TTC28: variants seen among roughly 807,000 people sequenced by gnomAD.
TTC28 encodes tetratricopeptide repeat protein 28.
In TTC28, 61 loss-of-function variants were observed where a neutral mutation model predicts 198.0. The ratio of observed to expected loss-of-function variants is 0.31; its 90% CI spans 0.25 to 0.38. The LOEUF (loss-of-function observed/expected upper bound fraction) is 0.38. TTC28 is among the 10% of genes least tolerant of loss of function. TTC28 has a pLI of 1.00. For missense variants in TTC28, 2,678 were observed against 3,164.0 expected, an observed-to-expected ratio of 0.85 and a Z score of 3.69; for synonymous variants, 1,171 against 1,297.8, an observed-to-expected ratio of 0.90 and a Z score of 2.10.
At chr22:28,181,273 T>C (rs967990751) in intron 5 of TTC28, among the ~76,000 whole-genome samples, 4 of 152,204 alleles carry the variant, frequency 2.6e-5, no homozygotes, top group African/African-American at 9.6e-5. Context: ...ACAGCAATGT[T>C]TTCAAATCAA....
chr22:27,987,980 T>C (rs1197206786), intron 21 of TTC28, among the ~76,000 whole-genome samples: 1 of 152,098 alleles, frequency 6.6e-6, no homozygotes, highest in Non-Finnish European at 1.5e-5. Flanking sequence ...TGGGAGGCTG[T>C]GTGGGAGGGT....
chr22:28,499,898 A>G lies in TTC28; in HGVS notation c.381+129654T>C, dbSNP rs115250653. Among the ~76,000 whole-genome samples the G allele has an allele frequency of 6.8e-3, 1,037 of 152,306 alleles. 19 individuals carry two copies. Among genetic ancestry groups the G allele is most frequent in the African/African-American group, 0.024 (992 of 41,564 alleles). On this transcript the variant is annotated intron_variant, in intron 2 of 22. Coordinates refer to ENST00000397906, the MANE Select transcript of TTC28 (RefSeq NM_001145418.2). ...TAGTGATCAGATTGGGGTAATCAGC[A>G]TACTCATCATCTCAAACATTTATCA... is the stretch of plus-strand genomic sequence containing the variant.
intron 2 of TTC28, among the ~76,000 whole-genome samples, chr22:28,541,838 C>A (rs2049418187): frequency 6.6e-6 from 1 of 151,774 alleles, no homozygotes; most frequent in Admixed American, 6.6e-5. Context: ...CCTGTAATCC[C>A]AACACTTTGG....
At chr22:28,075,265 T>A (rs911963553) in intron 12 of TTC28, among the ~76,000 whole-genome samples, 1 of 152,182 alleles carries the variant, frequency 6.6e-6, no homozygotes, top group Non-Finnish European at 1.5e-5. Context: ...CATTTTGTTC[T>A]CAGCCTTTCA....
intron 6 of TTC28, among the ~76,000 whole-genome samples, chr22:28,109,595 C>T (rs1378063688): frequency 1.3e-5 from 2 of 152,174 alleles, no homozygotes; most frequent in East Asian, 1.9e-4. Flanking sequence ...TTTTAACAAG[C>T]AGTTTAAAAA....
intron 6 of TTC28, among the ~76,000 whole-genome samples, chr22:28,153,577 C>G (rs781536377): frequency 1.6e-4 from 25 of 151,814 alleles, no homozygotes; most frequent in Non-Finnish European, 3.1e-4. Context: ...TCAATAATCA[C>G]TTGTTGAATG....
At chr22:28,086,467 A>G (rs1322808064) in intron 12 of TTC28, among the ~76,000 whole-genome samples, 1 of 152,190 alleles carries the variant, frequency 6.6e-6, no homozygotes, top group African/African-American at 2.4e-5. Flanking sequence ...GAAACCAATG[A>G]GAACAAAGAC....
chr22:28,661,306 A>C (rs559306728), intron 1 of TTC28, among the ~76,000 whole-genome samples: 2 of 152,304 alleles, frequency 1.3e-5, no homozygotes, highest in South Asian at 4.1e-4. Flanking sequence ...AATTGTTGTT[A>C]TATAGCCTCA....
At chr22:27,992,179 C>T (rs1937438147) in intron 19 of TTC28, among the ~76,000 whole-genome samples, 1 of 152,114 alleles carries the variant, frequency 6.6e-6, no homozygotes, top group African/African-American at 2.4e-5. Flanking sequence ...CCTCTGAAGG[C>T]CCTGGATGCT....
rs1937012325 is a variant in TTC28, at chr22:27,981,278, A to G, written c.*943T>C. 1 of 110,944 alleles carries G rather than the reference A, an allele frequency of 9.0e-6. No individual in the cohort carries two copies. Among genetic ancestry groups the G allele is most frequent in the South Asian group, 3.1e-4 (1 of 3,232 alleles). The allele number at this position is 110,944 out of a possible 1,614,324, so 6.9% of individuals were successfully genotyped here. A position where few individuals can be genotyped will look rare whatever the true frequency, so the allele number is the denominator to read the frequency against. On this transcript the variant is annotated 3_prime_UTR_variant, in exon 23 of 23. Transcript: ENST00000397906. Reference sequence around the variant, plus strand: ...TTTTTTTTTTTTTTTGCTTATAAGGAAACGGAGTCATTTCAACCTTTCCTT... The same window carrying G: ...TTTTTTTTTTTTTTTGCTTATAAGGGAACGGAGTCATTTCAACCTTTCCTT...
intron 2 of TTC28, among the ~76,000 whole-genome samples, chr22:28,345,218 G>A (rs978343193): frequency 2.9e-4 from 44 of 151,970 alleles, no homozygotes; most frequent in African/African-American, 2.2e-4. Flanking sequence ...CACAACAGCC[G>A]CAAATATTTG....
chr22:28,260,220 G>A (rs1931225038), intron 5 of TTC28, among the ~76,000 whole-genome samples: 1 of 152,082 alleles, frequency 6.6e-6, no homozygotes, highest in South Asian at 2.1e-4. Context: ...AAGCAGAAGT[G>A]GAAGAAGTAG....
chr22:28,424,120 T>A (rs1422710500), intron 2 of TTC28, among the ~76,000 whole-genome samples: 1 of 152,236 alleles, frequency 6.6e-6, no homozygotes, highest in Non-Finnish European at 1.5e-5. Flanking sequence ...AATTCCAGTA[T>A]AATTGGCAAA....
At chr22:28,365,612 C>A (rs2046234967) in intron 2 of TTC28, among the ~76,000 whole-genome samples, 1 of 152,172 alleles carries the variant, frequency 6.6e-6, no homozygotes, top group African/African-American at 2.4e-5. Flanking sequence ...GCTGTTTCTG[C>A]AAATGCTGGA....
At chr22:28,224,126 C>T (rs939620293) in intron 5 of TTC28, among the ~76,000 whole-genome samples, 2 of 152,116 alleles carry the variant, frequency 1.3e-5, no homozygotes, top group Non-Finnish European at 2.9e-5. Flanking sequence ...AATCATCCTA[C>T]GATGCACAGA....
At chr22:28,312,909 C>A (rs2145827417) in intron 2 of TTC28, among the ~76,000 whole-genome samples, 1 of 152,062 alleles carries the variant, frequency 6.6e-6, no homozygotes, top group South Asian at 2.1e-4. Flanking sequence ...TTCAAAAAAT[C>A]AATGAATACA....
Position 28,337,261 on chromosome 22 carries a change from T to C in TTC28, c.382-30618A>G, listed in dbSNP as rs547801066. Among the ~76,000 whole-genome samples the C allele has an allele frequency of 2.0e-4, 30 of 152,350 alleles. 1 individual carries two copies. The South Asian group carries it at 6.2e-3, about 32-fold the overall frequency. ...TGCTGAGGAGTGCTTTACTGCCAAC[T>C]ATGTGGTCAATTTTGGAATAGGTGT... On this transcript the variant is annotated intron_variant, in intron 2 of 22. Coordinates refer to ENST00000397906, the MANE Select transcript of TTC28 (RefSeq NM_001145418.2).
At chr22:27,986,308 C>A in intron 21 of TTC28, 1 of 152,486 alleles carries the variant, frequency 6.6e-6, no homozygotes, top group Non-Finnish European at 1.5e-5. Flanking sequence ...TTCTCCTTCG[C>A]CTTCCGCCAT....
intron 2 of TTC28, among the ~76,000 whole-genome samples, chr22:28,325,729 C>T (rs866704322): frequency 2.2e-4 from 34 of 152,068 alleles, no homozygotes; most frequent in Non-Finnish European, 3.7e-4. Flanking sequence ...AGCAAATAAG[C>T]ACATGAAAAG....
Sources: allele counts gnomAD v4.1 joint callset (sites outside exome capture counted in the v4.1 genomes callset), GRCh38; gene constraint gnomAD v4.1.1; transcripts MANE v1.5; gene names NCBI Gene and HGNC (gene_info 2026-07-23, HGNC 2026-07-21).